SORCS3: variants seen among roughly 807,000 people sequenced by gnomAD.
SORCS3 encodes the protein VPS10 domain-containing receptor SorCS3.
A neutral mutation model predicts 146.3 loss-of-function variants in SORCS3; 57 were observed. The ratio of observed to expected loss-of-function variants is 0.39; its 90% CI spans 0.31 to 0.49. The LOEUF is 0.49. SORCS3 is among the 20% of genes least tolerant of loss of function. The probability of loss-of-function intolerance (pLI) is 0.92; values close to 1 mark genes in which losing one functional copy is unlikely to be tolerated. For missense variants in SORCS3, 1,341 were observed against 1,575.5 expected (o/e 0.85, Z 2.52); for synonymous variants, 653 against 618.5 (o/e 1.06, Z -0.83).
intron 7 of SORCS3, among the ~76,000 whole-genome samples, chr10:105,139,166 G>A (rs2056077796): frequency 6.6e-6 from 1 of 152,212 alleles, no homozygotes; most frequent in Non-Finnish European, 1.5e-5. Flanking sequence ...CTGTTCTGAG[G>A]GAGAATCTGC....
At chr10:105,145,683 G>A (rs893694960) in intron 8 of SORCS3, among the ~76,000 whole-genome samples, 4 of 152,048 alleles carry the variant, frequency 2.6e-5, no homozygotes, top group Admixed American at 1.3e-4. Context: ...TTCATCACAC[G>A]GTTTTTAAGA....
chr10:104,899,683 G>A (rs907598388), intron 2 of SORCS3, among the ~76,000 whole-genome samples: 4 of 152,032 alleles, frequency 2.6e-5, no homozygotes, highest in South Asian at 2.1e-4. Context: ...CCCAGACAGG[G>A]GTTATACCAG....
chr10:105,010,913 G>A (rs1341717767), intron 4 of SORCS3, among the ~76,000 whole-genome samples: 2 of 152,158 alleles, frequency 1.3e-5, no homozygotes, highest in African/African-American at 4.8e-5. Context: ...AGTATCTGGT[G>A]TGATTATACA....
At chr10:105,207,861 C>A (rs1487799305) in intron 16 of SORCS3, among the ~76,000 whole-genome samples, 3 of 152,148 alleles carry the variant, frequency 2.0e-5, no homozygotes, top group Admixed American at 6.5e-5. Flanking sequence ...TAGCAAAGAC[C>A]ATTAAGATGT....
chr10:105,075,083 C>A (rs1036947881), intron 5 of SORCS3, among the ~76,000 whole-genome samples: 2 of 152,148 alleles, frequency 1.3e-5, no homozygotes, highest in African/African-American at 4.8e-5. Flanking sequence ...CTCCTTAATG[C>A]CCTTTGCCTT....
intron 1 of SORCS3, among the ~76,000 whole-genome samples, chr10:104,659,287 A>G (rs2133246302): frequency 6.6e-6 from 1 of 152,350 alleles, no homozygotes; most frequent in African/African-American, 2.4e-5. Flanking sequence ...GAAAGAACAC[A>G]TAATGACCTA....
Position 104,929,937 on chromosome 10 carries a change from T to G in SORCS3, c.795+14005T>G, listed in dbSNP as rs560608469. 2.0e-5 allele frequency among the ~76,000 whole-genome samples: 3 copies of G among 152,162 alleles called. No individual in the cohort carries two copies. In the East Asian group the frequency reaches 5.8e-4, roughly 29 times the overall value. Reference sequence around the variant, plus strand: ...ACAAACAGGGAAACATGAAATCACCTCATTAAAGGGACAAAATAAAGGACA... The same window carrying G: ...ACAAACAGGGAAACATGAAATCACCGCATTAAAGGGACAAAATAAAGGACA... On this transcript the variant is annotated intron_variant, in intron 3 of 26. Coordinates refer to ENST00000369701, the MANE Select transcript of SORCS3 (RefSeq NM_014978.3).
intron 6 of SORCS3, among the ~76,000 whole-genome samples, chr10:105,095,206 G>A (rs945338739): frequency 2.0e-5 from 3 of 152,164 alleles, no homozygotes; most frequent in Non-Finnish European, 4.4e-5. Flanking sequence ...CATCTCTGGA[G>A]CACAAGGCAG....
intron 4 of SORCS3, among the ~76,000 whole-genome samples, chr10:105,017,136 A>G (rs2055172605): frequency 6.7e-6 from 1 of 149,106 alleles, no homozygotes. Flanking sequence ...ATTCGTTATA[A>G]TGAAGGGGAT....
At chr10:105,213,567 G>C (rs116855525) in intron 17 of SORCS3, among the ~76,000 whole-genome samples, 7 of 152,188 alleles carry the variant, frequency 4.6e-5, no homozygotes, top group Admixed American at 6.5e-5. Flanking sequence ...TTTCAGTGCA[G>C]CCTTATAGAT....
At position 105,045,122 on chromosome 10, in the gene SORCS3, C is replaced by A. The variant is rs560837608; in HGVS notation, c.1028+1994C>A. 5.3e-4 allele frequency among the ~76,000 whole-genome samples: 81 copies of A among 151,818 alleles called. 2 individuals are homozygous for A. The highest frequency in any genetic ancestry group is 5.3e-3 in the Admixed American group (80 of 15,224). On this transcript the variant is annotated intron_variant, in intron 5 of 26. Transcript: ENST00000369701. Reference sequence around the variant, plus strand: ...TTGAGATGATAAGGCAGTTGGCCAACTAGAAAGTCAGGTTAGTAGAGGAGG... The same window carrying A: ...TTGAGATGATAAGGCAGTTGGCCAAATAGAAAGTCAGGTTAGTAGAGGAGG...
At chr10:105,234,593 C>A (rs955307781) in intron 20 of SORCS3, among the ~76,000 whole-genome samples, 2 of 145,678 alleles carry the variant, frequency 1.4e-5, no homozygotes, top group Non-Finnish European at 1.5e-5. Flanking sequence ...TCAGTTTTGG[C>A]ATTTTCTGTT....
intron 5 of SORCS3, among the ~76,000 whole-genome samples, chr10:105,078,313 G>A (rs936907037): frequency 6.6e-6 from 1 of 152,050 alleles, no homozygotes; most frequent in East Asian, 1.9e-4. Context: ...ACGGTGCTAG[G>A]CACTAGAAGA....
At chr10:105,257,358 T>A (rs2056937658) in intron 25 of SORCS3, among the ~76,000 whole-genome samples, 1 of 152,182 alleles carries the variant, frequency 6.6e-6, no homozygotes. Context: ...TTACCTCCTG[T>A]TGCAGCTATT....
chr10:104,957,957 T>G (rs1291341441), intron 3 of SORCS3, among the ~76,000 whole-genome samples: 1 of 151,970 alleles, frequency 6.6e-6, no homozygotes, highest in Non-Finnish European at 1.5e-5. Context: ...GATAATGGGG[T>G]CAAATTTGCA....
At chr10:104,941,770 C>G (rs942871116) in intron 3 of SORCS3, among the ~76,000 whole-genome samples, 2 of 152,092 alleles carry the variant, frequency 1.3e-5, no homozygotes, top group Non-Finnish European at 2.9e-5. Flanking sequence ...GCATTGGCTT[C>G]CAGGAATAAG....
intron 4 of SORCS3, among the ~76,000 whole-genome samples, chr10:105,019,418 T>G (rs1271541635): frequency 6.6e-6 from 1 of 151,726 alleles, no homozygotes. Context: ...CTTCTCTTCA[T>G]ATACTTCATG....
intron 8 of SORCS3, among the ~76,000 whole-genome samples, chr10:105,141,060 C>G (rs540917867): frequency 6.6e-6 from 1 of 152,278 alleles, no homozygotes; most frequent in South Asian, 2.1e-4. Flanking sequence ...CAAGCCATCT[C>G]CCTGAGGTAG....
chr10:104,655,659 A>T (rs1475618377), intron 1 of SORCS3, among the ~76,000 whole-genome samples: 2 of 152,158 alleles, frequency 1.3e-5, no homozygotes, highest in African/African-American at 4.8e-5. Context: ...AGGTGATTGG[A>T]TCATGGAGAC....
Sources: gnomAD v4.1 joint callset for allele counts (sites outside exome capture counted in the v4.1 genomes callset) on GRCh38, gnomAD v4.1.1 for gene constraint, MANE v1.5 for transcripts, NCBI Gene and HGNC (gene_info 2026-07-23, HGNC 2026-07-21) for gene names.